Variants in ADGRG3 observed in about 807,000 individuals in gnomAD.
ADGRG3 encodes adhesion G protein-coupled receptor G3.
Under a neutral mutation model 54.3 loss-of-function variants are expected in ADGRG3, and 39 were observed. That is an observed-to-expected ratio of 0.72 (90% confidence interval 0.56 to 0.94). ADGRG3 has a LOEUF of 0.94. ADGRG3 is among the 40% of genes least tolerant of loss of function. ADGRG3 has a pLI of 0.00. For missense variants in ADGRG3, 654 were observed against 694.6 expected, an observed-to-expected ratio of 0.94 and a Z score of 0.66; for synonymous variants, 312 against 290.0, an observed-to-expected ratio of 1.08 and a Z score of -0.77.
Position 57,680,363 on chromosome 16 carries a change from C to T in ADGRG3, c.766C>T (p.Leu256=). The change falls in exon 7 of 12, where the codon CTG becomes TTG. Residue 256 remains leucine (L), a splice_region_variant and synonymous_variant. Transcript: ENST00000333493. ...CCACCTGACCTTTTTCGCCCTGCTC[C>T]TGGTAACAGCCCCCTCCACTCTGAT... The part of the protein sequence containing the change: ...CDHLTFFALL[L]RPTLDQSTVH... The T allele has an allele frequency of 1.2e-6, 2 of 1,611,904 alleles. No individual in the cohort carries two copies. Among genetic ancestry groups the T allele is most frequent in the Admixed American group, 1.7e-5 (1 of 59,968 alleles).
Position 57,685,786 on chromosome 16 carries a change from AGGAGC to A in ADGRG3, c.1403_1407del (p.Glu468GlyfsTer97). The A allele has an allele frequency of 6.2e-7, 1 of 1,614,202 alleles. No homozygotes were observed. The highest frequency in any genetic ancestry group is 8.5e-7 in the Non-Finnish European group (1 of 1,180,044). Reference sequence around the variant, plus strand: ...ACCCTGTCCCGTGCTACAGCGGTCAAGGAGCGGGGGAAGAACCGGAAGAAGGTGCT... The same window carrying A: ...ACCCTGTCCCGTGCTACAGCGGTCAAGGGGGAAGAACCGGAAGAAGGTGCT... On this transcript the variant is annotated frameshift_variant, in exon 11 of 12. Transcript: ENST00000333493. LOFTEE classifies it high-confidence loss of function.
intron 9 of ADGRG3, 24 bp from the exon 10 acceptor site, chr16:57,684,366 C>A: frequency 6.2e-7 from 1 of 1,601,774 alleles, no homozygotes; most frequent in Non-Finnish European, 8.6e-7. Flanking sequence ...CCAGTGGTGT[C>A]ATGCCATTTC....
Position 57,672,750 on chromosome 16 carries a change from C to T in ADGRG3, c.59-571C>T, listed in dbSNP as rs2048184895. Among the ~76,000 whole-genome samples the T allele has an allele frequency of 1.3e-5, 2 of 152,190 alleles. 1 individual carries two copies. Among genetic ancestry groups the T allele is most frequent in the Non-Finnish European group, 2.9e-5 (2 of 68,042 alleles). On this transcript the variant is annotated intron_variant, in intron 1 of 11. Transcript: ENST00000333493. ...TAGTAACCTTTCTCAAGTCATTTTG[C>T]TCGAGGGGCCTTGGTTTGCTGTATT...
chr16:57,671,643 G>A (rs769847282), intron 1 of ADGRG3, among the ~76,000 whole-genome samples: 4 of 151,928 alleles, frequency 2.6e-5, no homozygotes, highest in African/African-American at 4.8e-5. Flanking sequence ...CCTTCCTGGC[G>A]GTGTTTTAAA....
At chr16:57,685,436 G>A (rs1170437154) in intron 10 of ADGRG3, among the ~76,000 whole-genome samples, 1 of 152,204 alleles carries the variant, frequency 6.6e-6, no homozygotes, top group African/African-American at 2.4e-5. Flanking sequence ...TGGGGCAAAT[G>A]AAACATGTCT....
chr16:57,688,327 C>T (rs1256034463), intron 11 of ADGRG3, 25 bp from the exon 12 acceptor site: 2 of 1,475,642 alleles, frequency 1.4e-6, no homozygotes, highest in Non-Finnish European at 1.9e-6. Flanking sequence ...TTTCCAGGCT[C>T]ACCGAGGCCT....
chr16:57,678,853 C>G (rs1393036797), intron 4 of ADGRG3: 1 of 417,728 alleles, frequency 2.4e-6, no homozygotes, highest in African/African-American at 2.0e-5. Context: ...GCACGCTATC[C>G]TCCCCGCTGA....
At position 57,671,332 on chromosome 16, in the gene ADGRG3, G is replaced by GTT. The variant is rs60592653; in HGVS notation, c.59-1965_59-1964dup. Among the ~76,000 whole-genome samples the GTT allele has an allele frequency of 3.0e-3, 258 of 86,334 alleles. 1 individual carries two copies. The highest frequency in any genetic ancestry group is 7.6e-3 in the Middle Eastern group (1 of 132). The allele number at this position is 86,334 out of a possible 152,430, so 56.6% of individuals were successfully genotyped here. ...ACATACAGAAAGTCCTAGAATAGGA[G>GTT]TTTTTTTTTTTTTTTTTTTTTTTTT... On this transcript the variant is annotated intron_variant, in intron 1 of 11. Coordinates refer to ENST00000333493, the MANE Select transcript of ADGRG3 (RefSeq NM_170776.5).
chr16:57,674,548 T>C, intron 2 of ADGRG3: 1 of 454,942 alleles, frequency 2.2e-6, no homozygotes, highest in South Asian at 1.6e-5. Context: ...TTGGATCATG[T>C]TATTTCAGTG....
intron 2 of ADGRG3, among the ~76,000 whole-genome samples, chr16:57,674,431 G>A (rs2048220345): frequency 6.6e-6 from 1 of 152,052 alleles, no homozygotes; most frequent in Non-Finnish European, 1.5e-5. Context: ...AACTCTTCTG[G>A]GATGCCTAGA....
Position 57,685,764 on chromosome 16 carries a change from C to T in ADGRG3, c.1378C>T (p.Leu460=). Residue 460 remains leucine, a synonymous_variant, in exon 11 of 12, where the codon CTG becomes TTG. Coordinates refer to ENST00000333493, the MANE Select transcript of ADGRG3 (RefSeq NM_170776.5). ...CCTGGTGGTCTGGAAGATCTTCACC[C>T]TGTCCCGTGCTACAGCGGTCAAGGA... ...LALVVWKIFT[L]SRATAVKERG... 1 of 1,614,234 alleles carries T rather than the reference C, an allele frequency of 6.2e-7. No individual in the cohort carries two copies. Among genetic ancestry groups the T allele is most frequent in the South Asian group, 1.1e-5 (1 of 91,086 alleles).
At chr16:57,670,656 A>C (rs1273971930) in intron 1 of ADGRG3, among the ~76,000 whole-genome samples, 5 of 152,220 alleles carry the variant, frequency 3.3e-5, no homozygotes. Flanking sequence ...TAAACAATGC[A>C]TCATAAATAT....
Position 57,680,553 on chromosome 16 carries a change from C to T in ADGRG3, c.817C>T (p.Gln273Ter), listed in dbSNP as rs1330206735. 1 of 1,613,910 alleles carries T rather than the reference C, an allele frequency of 6.2e-7. No individual in the cohort carries two copies. The highest frequency in any genetic ancestry group is 8.5e-7 in the Non-Finnish European group (1 of 1,179,984). ...GGTGCATATCCTCACACGCATCTCC[C>T]AGGCGGGCTGTGGGGTCTCCATGAT... ...STVHILTRISQAGCGVSMIFL... is the reference protein window; with the variant it reads ...STVHILTRIS The change falls in exon 8 of 12, where the codon CAG becomes TAG. Residue 273 changes from glutamine (Q) to a stop codon, truncating the protein, a stop_gained. Transcript: ENST00000333493. LOFTEE classifies it high-confidence loss of function.
chr16:57,678,535 C>G (rs564512614), intron 4 of ADGRG3: 1 of 578,326 alleles, frequency 1.7e-6, no homozygotes, highest in African/African-American at 1.9e-5. Flanking sequence ...GATGTTTGAC[C>G]CCCACACATG....
rs983585633 is a variant in ADGRG3 at position 57,688,815 on chromosome 16, C to T, written c.*354C>T. On this transcript the variant is annotated 3_prime_UTR_variant, in exon 12 of 12. Coordinates refer to ENST00000333493, the MANE Select transcript of ADGRG3 (RefSeq NM_170776.5). ...GTTGCTGGCATAGCCCTGGAAGGAG[C>T]CCCCAGCCTCTCCCCTCCTCCTCCT... is the stretch of plus-strand genomic sequence containing the variant. 8.2e-5 allele frequency: 15 copies of T among 183,700 alleles called. No individual in the cohort carries two copies. Among genetic ancestry groups the T allele is most frequent in the Non-Finnish European group, 1.2e-5 (1 of 86,918 alleles). 11.4% of individuals were successfully genotyped at this position (183,700 alleles called of 1,614,324 possible).
At chr16:57,682,309 G>T (rs1237751918) in intron 8 of ADGRG3, among the ~76,000 whole-genome samples, 1 of 152,186 alleles carries the variant, frequency 6.6e-6, no homozygotes, top group African/African-American at 2.4e-5. Context: ...GTCCCTGGGG[G>T]TGGCCTAAAG....
chr16:57,679,097 G>T, intron 4 of ADGRG3, 80 bp from the exon 5 acceptor site: 1 of 1,549,768 alleles, frequency 6.5e-7, no homozygotes, highest in East Asian at 2.2e-5. Flanking sequence ...TGGGTTCCTG[G>T]AGGCTCCTAG....
chr16:57,683,455 C>G (rs2048413025), intron 8 of ADGRG3, among the ~76,000 whole-genome samples: 1 of 152,114 alleles, frequency 6.6e-6, no homozygotes, highest in Non-Finnish European at 1.5e-5. Flanking sequence ...GAAGAGCTGC[C>G]CCTTACTGGT....
chr16:57,679,663 T>G (rs1292165672), intron 5 of ADGRG3, 153 bp from the exon 6 acceptor site: 3 of 729,264 alleles, frequency 4.1e-6, no homozygotes, highest in Non-Finnish European at 7.6e-6. Context: ...ATGGTGCACT[T>G]AATTTTTCTG....
Sources: gnomAD v4.1 joint callset for allele counts (sites outside exome capture counted in the v4.1 genomes callset) on GRCh38, gnomAD v4.1.1 for gene constraint, MANE v1.5 for transcripts, NCBI Gene and HGNC (gene_info 2026-07-23, HGNC 2026-07-21) for gene names.